Variants in FRY observed in about 807,000 individuals in gnomAD.
FRY encodes the protein protein furry homolog.
FRY carries 128 observed loss-of-function variants against 348.4 expected under a neutral mutation model. The ratio of observed to expected loss-of-function variants is 0.37; its 90% CI spans 0.32 to 0.43. The LOEUF is 0.43. Ranked by LOEUF, FRY falls within the 20% of genes least tolerant of loss-of-function variation. The pLI is 1.00. For missense variants in FRY, 2,736 were observed against 3,695.2 expected, an observed-to-expected ratio of 0.74 and a Z score of 6.73; for synonymous variants, 1,370 against 1,374.7, an observed-to-expected ratio of 1.00 and a Z score of 0.08.
chr13:32,214,769 G>A (rs1205358301), intron 35 of FRY, among the ~76,000 whole-genome samples: 2 of 152,174 alleles, frequency 1.3e-5, no homozygotes, highest in African/African-American at 2.4e-5. Context: ...TAGGCAAAGA[G>A]CCTACAGAGA....
chr13:32,212,483 A>G, intron 35 of FRY, 101 bp downstream of exon 35: 1 of 748,956 alleles, frequency 1.3e-6, no homozygotes, highest in East Asian at 2.7e-5. Context: ...TTTTACACGT[A>G]CATAAAAATC....
intron 58 of FRY, among the ~76,000 whole-genome samples, chr13:32,281,620 A>G (rs1487158288): frequency 3.3e-5 from 5 of 152,218 alleles, no homozygotes; most frequent in African/African-American, 7.2e-5. Flanking sequence ...GTGTTTCAGA[A>G]TATTTCCAAA....
At chr13:32,275,244 C>G (rs916636556) in intron 56 of FRY, 1 of 324,996 alleles carries the variant, frequency 3.1e-6, no homozygotes, top group East Asian at 6.7e-5. Context: ...AAAAATTAGC[C>G]GGGTGTAGTG....
chr13:32,209,416 C>T (rs1884550808), intron 32 of FRY, among the ~76,000 whole-genome samples, 169 bp from the exon 33 acceptor site: 3 of 152,116 alleles, frequency 2.0e-5, no homozygotes, highest in Non-Finnish European at 4.4e-5. Context: ...TTGATTTGTG[C>T]ATTATTAACT....
intron 35 of FRY, among the ~76,000 whole-genome samples, chr13:32,214,969 C>G (rs1884901754): frequency 6.6e-6 from 1 of 152,140 alleles, no homozygotes; most frequent in African/African-American, 2.4e-5. Context: ...TTTGATGTGA[C>G]TCAGTAATAT....
chr13:32,229,551 A>G (rs529047622), intron 40 of FRY, among the ~76,000 whole-genome samples: 8 of 152,356 alleles, frequency 5.3e-5, no homozygotes, highest in African/African-American at 1.7e-4. Context: ...GTGCCTACAT[A>G]CAGTATGCCT....
chr13:32,058,990 G>A lies in FRY; in HGVS notation c.71-19844G>A, dbSNP rs1184511109. On this transcript the variant is annotated intron_variant, in intron 1 of 60. Transcript: ENST00000542859. Reference sequence around the variant, plus strand: ...TGTTCTTTTTCATTGACTCTAAAATGTAGATGGTAATGCTTACCTTATAAG... The same window carrying A: ...TGTTCTTTTTCATTGACTCTAAAATATAGATGGTAATGCTTACCTTATAAG... Among the ~76,000 whole-genome samples the A allele has an allele frequency of 2.0e-5, 3 of 152,148 alleles. No individual in the cohort carries two copies. The East Asian group carries it at 5.8e-4, about 29-fold the overall frequency.
chr13:32,100,714 G>A (rs962503555), intron 2 of FRY, among the ~76,000 whole-genome samples: 4 of 152,192 alleles, frequency 2.6e-5, no homozygotes, highest in South Asian at 2.1e-4. Flanking sequence ...AAAATAAATG[G>A]CTTATCAACA....
intron 55 of FRY, among the ~76,000 whole-genome samples, chr13:32,268,505 A>AATATATATATATATATAT (rs869298149): frequency 9.6e-4 from 27 of 28,144 alleles, no homozygotes; most frequent in East Asian, 2.5e-3. Flanking sequence ...AAAAAAAAAA[A>AATATATATATATATATAT]ATATATATAT....
chr13:32,057,480 T>C (rs985395435), intron 1 of FRY, among the ~76,000 whole-genome samples: 3 of 152,082 alleles, frequency 2.0e-5, no homozygotes, highest in African/African-American at 7.2e-5. Context: ...CCTAGTAGGC[T>C]ACATTTAGTG....
intron 58 of FRY, among the ~76,000 whole-genome samples, chr13:32,282,539 G>A (rs1888860194): frequency 6.6e-6 from 1 of 152,198 alleles, no homozygotes; most frequent in Non-Finnish European, 1.5e-5. Flanking sequence ...ACAGGCATAT[G>A]AAAGCTTCTC....
At chr13:32,244,384 C>T (rs1317620473) in intron 47 of FRY, among the ~76,000 whole-genome samples, 6 of 152,194 alleles carry the variant, frequency 3.9e-5, no homozygotes. Context: ...AAGACCCCGG[C>T]ACACTCCGGT....
At chr13:32,110,772 A>G (rs547665438) in intron 3 of FRY, among the ~76,000 whole-genome samples, 5 of 152,324 alleles carry the variant, frequency 3.3e-5, no homozygotes, top group South Asian at 2.1e-4. Context: ...ATGCTGTACA[A>G]TGTTTTTCTG....
chr13:32,144,315 A>G (rs1031453155), intron 11 of FRY, among the ~76,000 whole-genome samples: 1 of 151,056 alleles, frequency 6.6e-6, no homozygotes, highest in Non-Finnish European at 1.5e-5. Context: ...TTCATCTAGA[A>G]TAAACACGCA....
chr13:32,183,940 C>G (rs76353630), intron 24 of FRY, among the ~76,000 whole-genome samples: 3,437 of 152,072 alleles, frequency 0.023, 58 homozygotes, highest in Non-Finnish European at 0.034. Context: ...AGTTTGAGAC[C>G]AGGCTGGGCA....
chr13:32,048,362 TG>T (rs1873139940), intron 1 of FRY, among the ~76,000 whole-genome samples: 1 of 152,198 alleles, frequency 6.6e-6, no homozygotes, highest in African/African-American at 2.4e-5. Context: ...CCTCACCTGT[TG>T]TTTTGTTTGA....
chr13:32,219,753 C>T (rs1338857786), intron 36 of FRY, among the ~76,000 whole-genome samples: 3 of 152,052 alleles, frequency 2.0e-5, no homozygotes, highest in Admixed American at 6.5e-5. Context: ...CAAATGTTGG[C>T]GGTTCAACAT....
Position 32,295,809 on chromosome 13 carries a change from G to T in FRY, c.*349G>T. ...TCCTTTCTAGAAACAATTTTAGATT[G>T]GCAAAAGTGCAATGTTTTCTTCACT... On this transcript the variant is annotated 3_prime_UTR_variant, in exon 61 of 61. Transcript: ENST00000542859. The T allele has an allele frequency of 7.5e-6, 2 of 265,760 alleles. No individual in the cohort carries two copies. The highest frequency in any genetic ancestry group is 1.4e-5 in the Non-Finnish European group (2 of 139,226). 16.5% of individuals were successfully genotyped at this position (265,760 alleles called of 1,614,324 possible). A position where few individuals can be genotyped will look rare whatever the true frequency, so the allele number is the denominator to read the frequency against.
intron 1 of FRY, among the ~76,000 whole-genome samples, chr13:32,039,850 T>G (rs1257120929): frequency 2.6e-5 from 4 of 152,240 alleles, no homozygotes; most frequent in African/African-American, 9.6e-5. Context: ...AAATCTTTTT[T>G]GAGAAGGCAT....
Sources: gnomAD v4.1 joint callset for allele counts (sites outside exome capture counted in the v4.1 genomes callset) on GRCh38, gnomAD v4.1.1 for gene constraint, MANE v1.5 for transcripts, NCBI Gene and HGNC (gene_info 2026-07-23, HGNC 2026-07-21) for gene names.